JADE3: variants seen among roughly 807,000 people sequenced by gnomAD.
JADE3 encodes the protein protein Jade-3.
In JADE3, 2 loss-of-function variants were observed where a neutral mutation model predicts 50.1. The observed-to-expected ratio is 0.04, with a 90% CI of 0.02 to 0.13. The LOEUF is 0.13. JADE3 is among the 10% of genes least tolerant of loss of function. The pLI, the probability that JADE3 is intolerant of heterozygous loss-of-function variation, is 1.00. For synonymous variants in JADE3, 218 were observed against 232.9 expected, an observed-to-expected ratio of 0.94 and a Z score of 0.58; for missense variants, 475 against 634.4, an observed-to-expected ratio of 0.75 and a Z score of 2.70.
intron 7 of JADE3, among the ~76,000 whole-genome samples, chrX:47,034,766 AT>A (rs59276816): frequency 0.039 from 3,514 of 89,036 alleles, 150 homozygotes; most frequent in African/African-American, 0.13. Flanking sequence ...TGCCTGGCTA[AT>A]TTTTTTTTTT....
intron 1 of JADE3, among the ~76,000 whole-genome samples, chrX:46,960,732 G>A (rs1927240932): frequency 8.9e-6 from 1 of 112,010 alleles, no homozygotes; most frequent in Non-Finnish European, 1.9e-5. Flanking sequence ...GCCGAATCCT[G>A]TGAGTCTTCC....
chrX:46,952,177 G>A (rs1445528657), intron 1 of JADE3, among the ~76,000 whole-genome samples: 1 of 112,247 alleles, frequency 8.9e-6, no homozygotes, highest in Admixed American at 9.4e-5. Flanking sequence ...GCATTTTCAT[G>A]GTTCTTTGTA....
At chrX:47,013,241 TG>T (rs1484446058) in intron 4 of JADE3, among the ~76,000 whole-genome samples, 1 of 111,684 alleles carries the variant, frequency 9.0e-6, no homozygotes, top group Non-Finnish European at 1.9e-5. Flanking sequence ...CTCAAACTCC[TG>T]GCCTCAAGCA....
intron 7 of JADE3, among the ~76,000 whole-genome samples, chrX:47,034,271 AC>A (rs1929084332): frequency 9.0e-6 from 1 of 110,761 alleles, no homozygotes; most frequent in South Asian, 3.9e-4. Flanking sequence ...GACATAAAGC[AC>A]CCCAGAAAGA....
chrX:47,014,993 T>TA (rs1928640071), intron 4 of JADE3, among the ~76,000 whole-genome samples: 1 of 112,357 alleles, frequency 8.9e-6, no homozygotes, highest in Non-Finnish European at 1.9e-5. Flanking sequence ...TGTTGAATTG[T>TA]AAAAATTATC....
chrX:46,985,575 T>C (rs1318403981), intron 2 of JADE3, 138 bp from the exon 3 acceptor site: 1 of 457,045 alleles, frequency 2.2e-6, no homozygotes, highest in African/African-American at 2.5e-5. Flanking sequence ...GCAGTTTGAC[T>C]GTTTTCTTCA....
intron 1 of JADE3, among the ~76,000 whole-genome samples, chrX:46,941,369 G>A (rs1926753664): frequency 9.0e-6 from 1 of 111,444 alleles, no homozygotes; most frequent in Non-Finnish European, 1.9e-5. Context: ...GAACATATGA[G>A]TGCATGTGTC....
At chrX:46,937,567 C>T (rs1465898563) in intron 1 of JADE3, among the ~76,000 whole-genome samples, 1 of 112,255 alleles carries the variant, frequency 8.9e-6, no homozygotes, top group Non-Finnish European at 1.9e-5. Flanking sequence ...TATTTTGAAA[C>T]ACTATTGTAA....
intron 4 of JADE3, among the ~76,000 whole-genome samples, chrX:47,001,349 T>C (rs1482955270): frequency 8.9e-6 from 1 of 111,861 alleles, no homozygotes; most frequent in Non-Finnish European, 1.9e-5. Context: ...ACTCCTGACA[T>C]GATACTGATG....
At chrX:46,942,841 C>T (rs1926794060) in intron 1 of JADE3, among the ~76,000 whole-genome samples, 1 of 111,879 alleles carries the variant, frequency 8.9e-6, no homozygotes, top group Non-Finnish European at 1.9e-5. Flanking sequence ...ATGAGCATGG[C>T]ATGTTTTTTC....
chrX:46,972,545 CTG>C (rs1459584383), intron 1 of JADE3, among the ~76,000 whole-genome samples: 1 of 111,281 alleles, frequency 9.0e-6, no homozygotes, highest in Non-Finnish European at 1.9e-5. Flanking sequence ...ATTCAAGTCA[CTG>C]TATTGAGAGA....
intron 1 of JADE3, among the ~76,000 whole-genome samples, chrX:46,916,793 A>G (rs1339393412): frequency 8.9e-6 from 1 of 112,050 alleles, no homozygotes; most frequent in Non-Finnish European, 1.9e-5. Flanking sequence ...GAAAGGAATT[A>G]AGTCATCTTC....
chrX:46,997,261 G>A (rs1199039931), intron 3 of JADE3, among the ~76,000 whole-genome samples: 1 of 111,308 alleles, frequency 9.0e-6, no homozygotes, highest in East Asian at 2.8e-4. Context: ...CCAGCACTTT[G>A]AGAGGCCAAG....
intron 1 of JADE3, among the ~76,000 whole-genome samples, chrX:46,932,552 T>C (rs1926520139): frequency 8.9e-6 from 1 of 112,445 alleles, no homozygotes; most frequent in African/African-American, 3.2e-5. Flanking sequence ...CAGTCTACAT[T>C]TGTATGAGTC....
At chrX:46,942,788 T>C (rs1352934053) in intron 1 of JADE3, among the ~76,000 whole-genome samples, 1 of 112,273 alleles carries the variant, frequency 8.9e-6, no homozygotes, top group East Asian at 2.8e-4. Flanking sequence ...GTAAATTGCT[T>C]TGGGCATTAT....
chrX:47,050,014 C>CA, intron 8 of JADE3, among the ~76,000 whole-genome samples: 3 of 109,300 alleles, frequency 2.7e-5, no homozygotes, highest in Non-Finnish European at 5.7e-5. Context: ...AATCGTGGCT[C>CA]CTTTTAGCCT....
At chrX:46,921,366 A>G (rs1380785561) in intron 1 of JADE3, among the ~76,000 whole-genome samples, 2 of 112,928 alleles carry the variant, frequency 1.8e-5, no homozygotes, top group African/African-American at 6.4e-5. Context: ...GGCGTCAGCC[A>G]CTGCACCTGG....
At chrX:47,038,732 C>T (rs1248430064) in intron 7 of JADE3, among the ~76,000 whole-genome samples, 3 of 109,487 alleles carry the variant, frequency 2.7e-5, no homozygotes, top group Non-Finnish European at 5.7e-5. Context: ...CCTGCTCTCT[C>T]ATCCCATATG....
chrX:46,939,658 C>T (rs1214032664), intron 1 of JADE3, among the ~76,000 whole-genome samples: 1 of 112,002 alleles, frequency 8.9e-6, no homozygotes, highest in Non-Finnish European at 1.9e-5. Context: ...TCGCCTCCCT[C>T]AAGCTGAAAC....
Sources: allele counts gnomAD v4.1 joint callset (sites outside exome capture counted in the v4.1 genomes callset), GRCh38; gene constraint gnomAD v4.1.1; transcripts MANE v1.5; gene names NCBI Gene and HGNC (gene_info 2026-07-23, HGNC 2026-07-21).